MYCBP2: variants seen among roughly 807,000 people sequenced by gnomAD.
The protein encoded by MYCBP2 is MYC binding protein 2, also known as E3 ubiquitin-protein ligase MYCBP2.
MYCBP2 carries 120 observed loss-of-function variants against 525.3 expected under a neutral mutation model. The ratio of observed to expected loss-of-function variants is 0.23; its 90% CI spans 0.20 to 0.27. The LOEUF is 0.27. Among genes scored for constraint, MYCBP2 ranks in the 10% least tolerant of loss-of-function variants. The pLI is 1.00. For synonymous variants in MYCBP2, 1,894 were observed against 1,955.8 expected (o/e 0.97, Z 0.83); for missense variants, 4,149 against 5,657.1 (o/e 0.73, Z 8.55).
At position 77,051,062 on chromosome 13, in the gene MYCBP2, G is replaced by C; in HGVS notation, c.13856C>G (p.Ala4619Gly). The change falls in exon 82 of 83, where the codon GCT becomes GGT. Residue 4619 changes from alanine (A) to glycine (G), a missense_variant. This residue lies in a region of MYCBP2 where 45 missense variants were observed against 130.1 expected (regional missense o/e 0.35). Transcript: ENST00000544440. ...CATTCTTTGAAAATCATCATGACAA[G>C]CATTACAAAAATGTGTTGTTCCAAA... ...FCFGTTHFCN[A>G]CHDDFQRMTS... 6.2e-7 allele frequency: 1 copy of C among 1,613,444 alleles called. No homozygotes were observed.
chr13:77,081,779 C>A lies in MYCBP2; in HGVS notation c.11193+58G>T. On this transcript the variant is annotated intron_variant, in intron 64 of 82. Coordinates refer to ENST00000544440, the MANE Select transcript of MYCBP2 (RefSeq NM_015057.5). This position sits in a 1 kb window ranked among gnomAD's most constrained non-coding sequence, Gnocchi z 4.6. ...ATTGATTATGAATAACTTACAGTTT[C>A]TCCTTTGATGTATTATTAACTAACA... is the stretch of plus-strand genomic sequence containing the variant. 1 of 1,560,394 alleles carries A rather than the reference C, an allele frequency of 6.4e-7. No homozygotes were observed. The highest frequency in any genetic ancestry group is 2.3e-5 in the East Asian group (1 of 44,416).
chr13:77,223,327 T>A (rs1186180099), intron 20 of MYCBP2, among the ~76,000 whole-genome samples: 4 of 152,150 alleles, frequency 2.6e-5, no homozygotes, highest in Non-Finnish European at 5.9e-5. Context: ...CTCTTAATGT[T>A]ATGCTGGAAC....
rs546751863 is a variant in MYCBP2 at position 77,239,740 on chromosome 13, C to T, written c.2629+3319G>A. ...TAACAAGTGCCCAAGTGATGCTGGT[C>T]CCTTTGAGACCACCTTGAGAACCAT... On this transcript the variant is annotated intron_variant, in intron 17 of 82. Transcript: ENST00000544440. Among the ~76,000 whole-genome samples, 9 of 152,190 alleles carry T rather than the reference C, an allele frequency of 5.9e-5. No homozygotes were observed. The South Asian group carries it at 1.2e-3, about 21-fold the overall frequency.
intron 52 of MYCBP2, among the ~76,000 whole-genome samples, chr13:77,134,034 G>A (rs1418971972): frequency 1.3e-5 from 2 of 151,894 alleles, no homozygotes; most frequent in African/African-American, 2.4e-5. Context: ...AGAATTCTAC[G>A]AATAAGAACT....
At chr13:77,140,184 C>T in intron 50 of MYCBP2, 21 bp from the exon 51 acceptor site, 1 of 1,485,156 alleles carries the variant, frequency 6.7e-7, no homozygotes, top group South Asian at 1.2e-5. Flanking sequence ...CAAAGATAAA[C>T]AGTGAGGTAG....
Position 77,081,293 on chromosome 13 carries a change from G to A in MYCBP2, c.11418+134C>T. On this transcript the variant is annotated intron_variant, in intron 65 of 82. Transcript: ENST00000544440. The surrounding 1 kb of genome is among the most constrained non-coding windows in gnomAD (Gnocchi z 4.6). ...TTGTTTTTAGACTTAAGATTTATTT[G>A]GGGATTATAGCAATGATGTTTGGTT... is the stretch of plus-strand genomic sequence containing the variant. 1.4e-6 allele frequency: 1 copy of A among 734,214 alleles called. No homozygotes were observed. The highest frequency in any genetic ancestry group is 2.3e-6 in the Non-Finnish European group (1 of 437,788). 45.5% of individuals were successfully genotyped at this position (734,214 alleles called of 1,614,324 possible).
chr13:77,273,709 C>T (rs182702279), intron 4 of MYCBP2, 41 bp from the exon 5 acceptor site: 114 of 1,375,300 alleles, frequency 8.3e-5, no homozygotes, highest in Admixed American at 4.6e-4. Context: ...ATCCAACATA[C>T]GGAACATTAT....
intron 14 of MYCBP2, among the ~76,000 whole-genome samples, chr13:77,252,192 G>A (rs145417376): frequency 1.9e-4 from 29 of 152,100 alleles, no homozygotes; most frequent in Non-Finnish European, 2.4e-4. Flanking sequence ...ATTCCTTCAC[G>A]GCAAGAAATC....
intron 3 of MYCBP2, 136 bp from the exon 4 acceptor site, chr13:77,279,047 G>T: frequency 4.1e-6 from 2 of 487,496 alleles, no homozygotes; most frequent in Non-Finnish European, 3.3e-6. Flanking sequence ...AAAACATCAT[G>T]AAAATGGCTT....
Position 77,098,631 on chromosome 13 carries a change from G to A in MYCBP2, c.8523C>T (p.Arg2841=), listed in dbSNP as rs893390352. ...GATTTTTATCATGTGGTGAGGAGGA[G>A]CGTGGAGAACTAGCACCCGATGGGC... is the stretch of plus-strand genomic sequence containing the variant. ...RSSPSGASSP[R]SSSPHDKNLP... is the part of the protein sequence containing the mutation. Residue 2841 remains arginine (R), a synonymous_variant, in exon 56 of 83, where the codon CGC becomes CGT. Transcript: ENST00000544440. 1.9e-6 allele frequency: 3 copies of A among 1,613,676 alleles called. No homozygotes were observed. The Admixed American group carries it at 5.0e-5, about 27-fold the overall frequency.
intron 52 of MYCBP2, among the ~76,000 whole-genome samples, chr13:77,133,725 C>A (rs1198830234): frequency 2.0e-5 from 3 of 152,180 alleles, no homozygotes; most frequent in Non-Finnish European, 4.4e-5. Flanking sequence ...TTCATTAGTT[C>A]ACATACATAG....
In MYCBP2 at chr13:77,050,986, T is replaced by A; in HGVS notation, c.13921+11A>T. 1 of 1,593,284 alleles carries A rather than the reference T, an allele frequency of 6.3e-7. No individual in the cohort carries two copies. Among genetic ancestry groups the A allele is most frequent in the Non-Finnish European group, 8.5e-7 (1 of 1,172,770 alleles). ...GATCATAATCGTGATTTTAAAATAT[T>A]AAAAGCATACCTGCAGGACAGTGTG... is the stretch of plus-strand genomic sequence containing the variant. On this transcript the variant is annotated intron_variant, in intron 82 of 82. Transcript: ENST00000544440.
In MYCBP2 at chr13:77,098,103, C is replaced by T. The variant is rs1211388681; in HGVS notation, c.9051G>A (p.Glu3017=). ...AAGGAGACATGGCTTGCTTGGCTGG[C>T]TCTAAAGGCTTGGATCCATCTCCTT... ...LFKGDGSKPL[E]PAKQAMSPSV... Residue 3017 remains glutamate (E), a synonymous_variant, in exon 56 of 83, where the codon GAG becomes GAA. Coordinates refer to ENST00000544440, the MANE Select transcript of MYCBP2 (RefSeq NM_015057.5). 1 of 1,613,342 alleles carries T rather than the reference C, an allele frequency of 6.2e-7. No homozygotes were observed. Among genetic ancestry groups the T allele is most frequent in the Admixed American group, 1.7e-5 (1 of 59,904 alleles).
At chr13:77,061,631 T>TA in intron 75 of MYCBP2, 31 bp downstream of exon 75, 2 of 1,601,860 alleles carry the variant, frequency 1.2e-6, no homozygotes, top group Non-Finnish European at 1.7e-6. Context: ...TCACTGAACA[T>TA]ATTTTATGCT....
intron 55 of MYCBP2, among the ~76,000 whole-genome samples, chr13:77,111,551 G>A (rs1336164136): frequency 1.3e-5 from 2 of 150,806 alleles, no homozygotes; most frequent in Non-Finnish European, 2.9e-5. Context: ...CAAGTAGCCA[G>A]GAATATAGGT....
intron 26 of MYCBP2, among the ~76,000 whole-genome samples, chr13:77,198,977 T>G (rs1455609651): frequency 1.3e-5 from 2 of 152,230 alleles, no homozygotes; most frequent in African/African-American, 2.4e-5. Context: ...TCTTCCCTTC[T>G]TACAGAATTT....
chr13:77,280,913 T>A (rs936004643), intron 3 of MYCBP2, among the ~76,000 whole-genome samples: 6 of 152,240 alleles, frequency 3.9e-5, no homozygotes, highest in African/African-American at 1.4e-4. Context: ...AAACATTCAT[T>A]TTCAGAATAG....
rs187830534 is a variant in MYCBP2 at position 77,203,577 on chromosome 13, C to T, written c.3843+1679G>A. On this transcript the variant is annotated intron_variant, in intron 26 of 82. Coordinates refer to ENST00000544440, the MANE Select transcript of MYCBP2 (RefSeq NM_015057.5). ...GTTCATATGGAACCAAAAAAGAGCCCGCAAGACCAAGTCAATCCTAAGCCA... is the reference window on the plus strand; with the variant it reads ...GTTCATATGGAACCAAAAAAGAGCCTGCAAGACCAAGTCAATCCTAAGCCA... Among the ~76,000 whole-genome samples the T allele has an allele frequency of 4.8e-3, 738 of 152,182 alleles. 4 individuals are homozygous for T. Among genetic ancestry groups the T allele is most frequent in the Non-Finnish European group, 7.4e-3 (503 of 68,016 alleles).
intron 82 of MYCBP2, among the ~76,000 whole-genome samples, chr13:77,047,741 G>A (rs2035871166): frequency 6.6e-6 from 1 of 152,194 alleles, no homozygotes; most frequent in South Asian, 2.1e-4. Context: ...TTTGTCCTTT[G>A]TATAGTCAGG....
Sources: allele counts gnomAD v4.1 joint callset (sites outside exome capture counted in the v4.1 genomes callset), GRCh38; gene constraint gnomAD v4.1.1; regional missense constraint gnomAD v4.1.1; non-coding constraint Gnocchi (gnomAD v3.1); transcripts MANE v1.5; gene names NCBI Gene and HGNC (gene_info 2026-07-23, HGNC 2026-07-21).